The following PPP1R16B variants were observed in gnomAD, a reference collection of about 807,000 sequenced individuals.
The protein encoded by PPP1R16B is protein phosphatase 1 regulatory subunit 16B, also known as protein phosphatase 1 regulatory inhibitor subunit 16B.
In PPP1R16B, 14 loss-of-function variants were observed where a neutral mutation model predicts 61.7. That is an observed-to-expected ratio of 0.23 (90% CI 0.15 to 0.35). The LOEUF (loss-of-function observed/expected upper bound fraction) is 0.35. Ranked by LOEUF, PPP1R16B falls within the 10% of genes least tolerant of loss-of-function variation. The probability of loss-of-function intolerance (pLI) is 1.00; values close to 1 mark genes in which losing one functional copy is unlikely to be tolerated. For missense variants in PPP1R16B, 547 were observed against 752.5 expected (o/e 0.73, Z 3.19); for synonymous variants, 266 against 305.3 (o/e 0.87, Z 1.34).
intron 1 of PPP1R16B, among the ~76,000 whole-genome samples, chr20:38,807,256 C>T (rs1179012006): frequency 6.6e-6 from 1 of 152,218 alleles, no homozygotes; most frequent in African/African-American, 2.4e-5. Flanking sequence ...TTAGCCCAGC[C>T]AGCGACTAGC....
chr20:38,813,331 C>T (rs2084713266), intron 1 of PPP1R16B, among the ~76,000 whole-genome samples: 1 of 152,224 alleles, frequency 6.6e-6, no homozygotes, highest in African/African-American at 2.4e-5. Context: ...TCACCTGGGA[C>T]TTGTGAGAAG....
At chr20:38,866,665 C>G (rs1260382768) in intron 2 of PPP1R16B, among the ~76,000 whole-genome samples, 1 of 152,158 alleles carries the variant, frequency 6.6e-6, no homozygotes, top group Non-Finnish European at 1.5e-5. Context: ...TCTCCTGGGC[C>G]TGGAGCTCAG....
At chr20:38,905,438 T>A (rs1037169427) in intron 6 of PPP1R16B, among the ~76,000 whole-genome samples, 1 of 152,184 alleles carries the variant, frequency 6.6e-6, no homozygotes, top group Admixed American at 6.5e-5. Context: ...CCTCACAACA[T>A]AGTGGCTGCC....
At chr20:38,829,565 A>G (rs2084824333) in intron 1 of PPP1R16B, among the ~76,000 whole-genome samples, 2 of 152,016 alleles carry the variant, frequency 1.3e-5, no homozygotes, top group South Asian at 2.1e-4. Flanking sequence ...GATGATAACC[A>G]TTGCTCTCCC....
intron 2 of PPP1R16B, among the ~76,000 whole-genome samples, chr20:38,866,394 G>A (rs2085090877): frequency 6.6e-6 from 1 of 152,208 alleles, no homozygotes; most frequent in Non-Finnish European, 1.5e-5. Flanking sequence ...TCTGTAGAAT[G>A]GGGCACAGTA....
At chr20:38,855,783 G>T (rs914999874) in intron 2 of PPP1R16B, among the ~76,000 whole-genome samples, 1 of 151,528 alleles carries the variant, frequency 6.6e-6, no homozygotes, top group Non-Finnish European at 1.5e-5. Context: ...GTGCTCCAAG[G>T]TGTGTACCAT....
At chr20:38,855,935 T>TAGAGAG (rs1359114180) in intron 2 of PPP1R16B, among the ~76,000 whole-genome samples, 2 of 43,962 alleles carry the variant, frequency 4.5e-5, no homozygotes, top group East Asian at 7.1e-4. Context: ...TATATATATA[T>TAGAGAG]ATATATATAG....
chr20:38,870,075 C>T (rs1237628731), intron 2 of PPP1R16B, among the ~76,000 whole-genome samples: 2 of 152,060 alleles, frequency 1.3e-5, no homozygotes, highest in Non-Finnish European at 2.9e-5. Context: ...AGGTGCCCAC[C>T]AACATGCCTG....
At chr20:38,813,969 G>A (rs2084718886) in intron 1 of PPP1R16B, among the ~76,000 whole-genome samples, 1 of 151,866 alleles carries the variant, frequency 6.6e-6, no homozygotes, top group African/African-American at 2.4e-5. Flanking sequence ...GCTACATTTT[G>A]TATTTTTAGT....
At chr20:38,811,322 G>A (rs748424675) in intron 1 of PPP1R16B, among the ~76,000 whole-genome samples, 1 of 152,152 alleles carries the variant, frequency 6.6e-6, no homozygotes, top group African/African-American at 2.4e-5. Flanking sequence ...TTGGGGCCAG[G>A]GTTCAAATGC....
intron 1 of PPP1R16B, among the ~76,000 whole-genome samples, chr20:38,828,849 A>T (rs2084819624): frequency 6.6e-6 from 1 of 152,242 alleles, no homozygotes; most frequent in African/African-American, 2.4e-5. Flanking sequence ...TCCCAGAGGT[A>T]TATTTATTCC....
At chr20:38,898,193 C>A (rs914874614) in intron 4 of PPP1R16B, among the ~76,000 whole-genome samples, 1 of 152,156 alleles carries the variant, frequency 6.6e-6, no homozygotes, top group African/African-American at 2.4e-5. Context: ...TAACTTCATT[C>A]TTTTGCATGC....
chr20:38,818,585 A>G (rs2084753981), intron 1 of PPP1R16B, among the ~76,000 whole-genome samples: 1 of 152,166 alleles, frequency 6.6e-6, no homozygotes, highest in East Asian at 1.9e-4. Context: ...GTTGGAAGGT[A>G]AGCGGTGGAG....
intron 2 of PPP1R16B, among the ~76,000 whole-genome samples, chr20:38,859,822 T>A (rs2085035272): frequency 6.6e-6 from 1 of 152,142 alleles, no homozygotes; most frequent in African/African-American, 2.4e-5. Context: ...TAGCTACATT[T>A]TTAAAAGGTA....
chr20:38,806,114 G>A lies in PPP1R16B; in HGVS notation c.-102+322G>A, dbSNP rs1431291873. On this transcript the variant is annotated intron_variant, in intron 1 of 10. Coordinates refer to ENST00000299824, the MANE Select transcript of PPP1R16B (RefSeq NM_015568.4). This position sits in a 1 kb window ranked among gnomAD's most constrained non-coding sequence, Gnocchi z 4.5. The stretch of plus-strand genomic sequence containing the variant: ...TAGACCGATCTTGGGGCGGGGAGGT[G>A]GGGTCCTCGGTCTGTTCTGGACTCA... Among the ~76,000 whole-genome samples the A allele has an allele frequency of 6.6e-6, 1 of 152,066 alleles. No individual in the cohort carries two copies. Among genetic ancestry groups the A allele is most frequent in the Non-Finnish European group, 1.5e-5 (1 of 67,972 alleles).
At chr20:38,902,583 G>A in intron 5 of PPP1R16B, 85 bp from the exon 6 acceptor site, 1 of 1,570,574 alleles carries the variant, frequency 6.4e-7, no homozygotes, top group East Asian at 2.2e-5. Flanking sequence ...GGGAACAAGA[G>A]CCATGCCTCC....
rs1223986349 is a variant in PPP1R16B at position 38,907,781 on chromosome 20, A to G, written c.899-25A>G. On this transcript the variant is annotated intron_variant, in intron 8 of 10. Transcript: ENST00000299824. This position sits in a 1 kb window ranked among gnomAD's most constrained non-coding sequence, Gnocchi z 4.5. ...GCCACAGGTCCTGGCCCCGTCCCCC[A>G]CAACAGACTCCTCTGCCCCTTCAGA... 3 of 1,613,348 alleles carry G rather than the reference A, an allele frequency of 1.9e-6. No individual in the cohort carries two copies. Among genetic ancestry groups the G allele is most frequent in the Non-Finnish European group, 2.5e-6 (3 of 1,179,772 alleles).
intron 1 of PPP1R16B, among the ~76,000 whole-genome samples, chr20:38,822,583 T>C (rs189772174): frequency 6.6e-6 from 1 of 151,858 alleles, no homozygotes; most frequent in East Asian, 1.9e-4. Context: ...AGAGCTACTT[T>C]GCCCTTACTA....
chr20:38,816,291 G>A (rs546796333), intron 1 of PPP1R16B, among the ~76,000 whole-genome samples: 12 of 152,308 alleles, frequency 7.9e-5, no homozygotes, highest in East Asian at 7.7e-4. Context: ...AGATCTGTAC[G>A]TTGGTCCAGA....
Sources: gnomAD v4.1 joint callset for allele counts (sites outside exome capture counted in the v4.1 genomes callset) on GRCh38, gnomAD v4.1.1 for gene constraint, Gnocchi (gnomAD v3.1) non-coding constraint, MANE v1.5 for transcripts, NCBI Gene and HGNC (gene_info 2026-07-23, HGNC 2026-07-21) for gene names.